The following PLEKHA1 variants were observed in gnomAD, a reference collection of about 807,000 sequenced individuals.
The protein encoded by PLEKHA1 is pleckstrin homology domain-containing family A member 1.
A neutral mutation model predicts 52.0 loss-of-function variants in PLEKHA1; 34 were observed. The observed-to-expected ratio is 0.65, with a 90% confidence interval of 0.50 to 0.87. The LOEUF is 0.87. PLEKHA1 is among the 40% of genes least tolerant of loss of function. PLEKHA1 has a pLI of 0.00. For synonymous variants in PLEKHA1, 163 were observed against 170.7 expected (o/e 0.95, Z 0.35); for missense variants, 497 against 504.2 (o/e 0.99, Z 0.14).
At chr10:122,389,391 C>G (rs919794295) in intron 1 of PLEKHA1, among the ~76,000 whole-genome samples, 1 of 152,136 alleles carries the variant, frequency 6.6e-6, no homozygotes, top group Non-Finnish European at 1.5e-5. Context: ...AGGAGTAAGT[C>G]TCAATAGTGG....
At chr10:122,428,395 T>G (rs958145612) in intron 11 of PLEKHA1, 2 of 1,529,780 alleles carry the variant, frequency 1.3e-6, no homozygotes, top group Non-Finnish European at 1.8e-6. Flanking sequence ...GGGCCCAGAC[T>G]TACTACTTAC....
chr10:122,407,615 G>A (rs1465203812), intron 5 of PLEKHA1, among the ~76,000 whole-genome samples: 1 of 152,174 alleles, frequency 6.6e-6, no homozygotes, highest in Non-Finnish European at 1.5e-5. Flanking sequence ...GTGATGATGA[G>A]CAGCACGTAG....
At chr10:122,379,006 C>T (rs1220577685) in intron 1 of PLEKHA1, among the ~76,000 whole-genome samples, 1 of 152,128 alleles carries the variant, frequency 6.6e-6, no homozygotes, top group Non-Finnish European at 1.5e-5. Context: ...TTATCTGGTG[C>T]TATTAGAGTC....
chr10:122,397,377 C>G (rs1407301242), intron 2 of PLEKHA1, among the ~76,000 whole-genome samples: 3 of 151,800 alleles, frequency 2.0e-5, no homozygotes, highest in African/African-American at 7.3e-5. Context: ...GCCTACATTC[C>G]CTGCATATGA....
At chr10:122,418,363 T>C (rs17103522) in intron 8 of PLEKHA1, 19,211 of 162,856 alleles carry the variant, frequency 0.12, 1,643 homozygotes, top group East Asian at 0.36. Context: ...TCAGGAACTA[T>C]ATTAAGTATA....
At chr10:122,439,968 A>G in the PLEKHA1 span, 1 of 152,208 alleles carries the variant, frequency 6.6e-6, no homozygotes, top group Non-Finnish European at 1.5e-5. Flanking sequence ...ATTTGCATGG[A>G]GCTGAGCACA....
chr10:122,412,744 T>C, intron 5 of PLEKHA1, 176 bp from the exon 6 acceptor site: 1 of 639,674 alleles, frequency 1.6e-6, no homozygotes, highest in Non-Finnish European at 2.6e-6. Context: ...TATTATAAAA[T>C]ATTATTCTAA....
chr10:122,442,180 C>T, the PLEKHA1 span: 12 of 152,254 alleles, frequency 7.9e-5, no homozygotes, highest in African/African-American at 2.9e-4. Flanking sequence ...CCCTGGCTTC[C>T]ACTGCTGATA....
At chr10:122,440,110 A>G in the PLEKHA1 span, 29 of 152,298 alleles carry the variant, frequency 1.9e-4, no homozygotes, top group Admixed American at 1.7e-3. Flanking sequence ...CCTGGAAGCA[A>G]TGTGATCACA....
chr10:122,386,446 AT>A (rs2096699979), intron 1 of PLEKHA1, among the ~76,000 whole-genome samples: 1 of 150,168 alleles, frequency 6.7e-6, no homozygotes. Context: ...TTGTCTTTTC[AT>A]TTCTTTATGG....
At chr10:122,426,754 GTC>G (rs2097345190) in intron 10 of PLEKHA1, among the ~76,000 whole-genome samples, 186 bp from the exon 11 acceptor site, 3 of 152,070 alleles carry the variant, frequency 2.0e-5, no homozygotes, top group African/African-American at 4.8e-5. Context: ...CTCAATTTAT[GTC>G]TCTGTGTAGT....
chr10:122,430,044 A>G lies in PLEKHA1; in HGVS notation c.*106A>G. 4 of 1,225,526 alleles carry G rather than the reference A, an allele frequency of 3.3e-6. No individual in the cohort carries two copies. Among genetic ancestry groups the G allele is most frequent in the Non-Finnish European group, 2.2e-6 (2 of 890,810 alleles). The allele number at this position is 1,225,526 out of a possible 1,614,324, so 75.9% of individuals were successfully genotyped here. ...GGAAATGGTTTTTAGTGCGTATATT[A>G]TACTGCCTCTTAGGTGTACTCTTTA... On this transcript the variant is annotated 3_prime_UTR_variant, in exon 12 of 12. Coordinates refer to ENST00000368990, the MANE Select transcript of PLEKHA1 (RefSeq NM_001001974.4).
At chr10:122,399,016 G>A (rs2096890045) in intron 3 of PLEKHA1, among the ~76,000 whole-genome samples, 1 of 152,178 alleles carries the variant, frequency 6.6e-6, no homozygotes, top group Admixed American at 6.5e-5. Context: ...TAACTGGCCA[G>A]CTGCTTTCCT....
intron 11 of PLEKHA1, among the ~76,000 whole-genome samples, chr10:122,427,953 T>C (rs761628099): frequency 3.9e-5 from 6 of 152,246 alleles, no homozygotes; most frequent in Non-Finnish European, 5.9e-5. Flanking sequence ...GATAAATAAA[T>C]AGAAATCAAT....
At chr10:122,402,214 T>G (rs1214030221) in intron 4 of PLEKHA1, among the ~76,000 whole-genome samples, 2 of 152,172 alleles carry the variant, frequency 1.3e-5, no homozygotes, top group African/African-American at 4.8e-5. Flanking sequence ...ATTGGAGTAT[T>G]TAGAATGGGT....
At chr10:122,438,317 G>C in the PLEKHA1 span, 3 of 152,204 alleles carry the variant, frequency 2.0e-5, no homozygotes, top group Non-Finnish European at 4.4e-5. Flanking sequence ...AAATGACCCA[G>C]TAGGAAAAGA....
In PLEKHA1 at chr10:122,374,750, C is replaced by CT. The variant is rs2096495400; in HGVS notation, c.-77_-76insT. 1 of 151,818 alleles carries CT rather than the reference C, an allele frequency of 6.6e-6. No homozygotes were observed. The highest frequency in any genetic ancestry group is 2.4e-5 in the African/African-American group (1 of 41,378). 9.4% of individuals were successfully genotyped at this position (151,818 alleles called of 1,614,324 possible). A position where few individuals can be genotyped will look rare whatever the true frequency, so the allele number is the denominator to read the frequency against. On this transcript the variant is annotated 5_prime_UTR_variant, in exon 1 of 12. Transcript: ENST00000368990. ...CGTCGCGGACGCCGCTCCGGGCAGCCGAGCCTCTGTGGGAGCCGGGGCCGC... is the reference window on the plus strand; with the variant it reads ...CGTCGCGGACGCCGCTCCGGGCAGCCTGAGCCTCTGTGGGAGCCGGGGCCGC...
In PLEKHA1 at chr10:122,430,307, T is replaced by C. The variant is rs1565361591; in HGVS notation, c.*369T>C. The C allele has an allele frequency of 6.0e-6, 1 of 167,670 alleles. No homozygotes were observed. The highest frequency in any genetic ancestry group is 1.3e-5 in the Non-Finnish European group (1 of 78,134). The allele number at this position is 167,670 out of a possible 1,614,324, so 10.4% of individuals were successfully genotyped here. ...TTAATAACTTTGGTCATTTAAAAAA[T>C]GCTACAATGACTTCCTATTAAAGGT... On this transcript the variant is annotated 3_prime_UTR_variant, in exon 12 of 12. Transcript: ENST00000368990.
At chr10:122,427,251 A>G (rs922063894) in intron 11 of PLEKHA1, among the ~76,000 whole-genome samples, 14 of 152,210 alleles carry the variant, frequency 9.2e-5, no homozygotes, top group African/African-American at 2.9e-4. Context: ...TGTTAAATGC[A>G]CAAGTAGGGC....
Sources: allele counts gnomAD v4.1 joint callset (sites outside exome capture counted in the v4.1 genomes callset), GRCh38; gene constraint gnomAD v4.1.1; transcripts MANE v1.5; gene names NCBI Gene and HGNC (gene_info 2026-07-23, HGNC 2026-07-21).